Variants in FOXN3 observed in about 807,000 individuals in gnomAD.
The protein encoded by FOXN3 is forkhead box N3, also known as forkhead box protein N3.
A neutral mutation model predicts 38.4 loss-of-function variants in FOXN3; 7 were observed. The ratio of observed to expected loss-of-function variants is 0.18; its 90% CI spans 0.10 to 0.34. The LOEUF (loss-of-function observed/expected upper bound fraction) is 0.34, where lower values mean the gene tolerates loss of function less well. Ranked by LOEUF, FOXN3 falls within the 10% of genes least tolerant of loss-of-function variation. The probability of loss-of-function intolerance (pLI) is 1.00; values close to 1 mark genes in which losing one functional copy is unlikely to be tolerated. For synonymous variants in FOXN3, 230 were observed against 242.2 expected (o/e 0.95, Z 0.47); for missense variants, 456 against 613.4 (o/e 0.74, Z 2.71).
At chr14:89,565,183 G>A (rs1895327146) in intron 1 of FOXN3, among the ~76,000 whole-genome samples, 1 of 151,678 alleles carries the variant, frequency 6.6e-6, no homozygotes. Context: ...CAGAGACTGG[G>A]GTTATGCTAC....
intron 1 of FOXN3, among the ~76,000 whole-genome samples, chr14:89,454,218 C>CCAG (rs1892675769): frequency 6.6e-6 from 1 of 152,148 alleles, no homozygotes; most frequent in South Asian, 2.1e-4. Context: ...GTTTGAGAAT[C>CCAG]GCTTGAATCC....
intron 3 of FOXN3, among the ~76,000 whole-genome samples, chr14:89,318,748 T>C (rs930233850): frequency 5.9e-5 from 9 of 152,240 alleles, no homozygotes; most frequent in Non-Finnish European, 1.3e-4. Flanking sequence ...AGCCTGGTTG[T>C]GCGCAGCAGT....
intron 3 of FOXN3, among the ~76,000 whole-genome samples, chr14:89,312,188 G>C (rs376363811): frequency 2.7e-5 from 4 of 148,662 alleles, no homozygotes; most frequent in African/African-American, 9.9e-5. Flanking sequence ...GGGAGGCTGA[G>C]GAATGAGAGT....
intron 1 of FOXN3, among the ~76,000 whole-genome samples, chr14:89,553,584 A>G (rs1230190773): frequency 1.1e-4 from 16 of 152,156 alleles, no homozygotes; most frequent in Admixed American, 1.0e-3. Context: ...TGACACCCCA[A>G]TTAGGATCCT....
intron 4 of FOXN3, among the ~76,000 whole-genome samples, chr14:89,279,523 A>G (rs529626709): frequency 3.9e-5 from 6 of 152,224 alleles, no homozygotes; most frequent in South Asian, 4.1e-4. Context: ...CTATAGTTCT[A>G]GAGGAAAAAT....
Position 89,399,716 on chromosome 14 carries a change from C to T in FOXN3, c.543+12218G>A, listed in dbSNP as rs185347640. 1.2e-3 allele frequency among the ~76,000 whole-genome samples: 180 copies of T among 152,274 alleles called. 1 individual carries two copies. The highest frequency in any genetic ancestry group is 4.1e-3 in the African/African-American group (169 of 41,550). On this transcript the variant is annotated intron_variant, in intron 2 of 5. Coordinates refer to ENST00000557258, the MANE Select transcript of FOXN3 (RefSeq NM_005197.4). The stretch of plus-strand genomic sequence containing the variant: ...TTCCTTCTGGAAGGGGGAGGGGCTG[C>T]GATCTCTTTTAAAGCTAGACCAATT...
intron 2 of FOXN3, chr14:89,356,384 G>A (rs1346247737): frequency 2.6e-5 from 4 of 151,796 alleles, no homozygotes; most frequent in Admixed American, 6.6e-5. Flanking sequence ...GCGGCAGAGC[G>A]AGACTCGATC....
Position 89,368,991 on chromosome 14 carries a change from A to G in FOXN3, c.544-18183T>C, listed in dbSNP as rs17125768. ...TTTACACAGTGCGTTTCATCTGACA[A>G]TGCCGAAGTGCCCTCTGGCCACCAT... is the stretch of plus-strand genomic sequence containing the variant. On this transcript the variant is annotated intron_variant, in intron 2 of 5. Transcript: ENST00000557258. 2.9e-3 allele frequency among the ~76,000 whole-genome samples: 440 copies of G among 152,322 alleles called. 6 individuals carry two copies. The highest frequency in any genetic ancestry group is 0.01 in the African/African-American group (418 of 41,566).
At chr14:89,474,329 A>G (rs1314112058) in intron 1 of FOXN3, among the ~76,000 whole-genome samples, 1 of 152,188 alleles carries the variant, frequency 6.6e-6, no homozygotes, top group Non-Finnish European at 1.5e-5. Flanking sequence ...TTGGCTATCA[A>G]AGCCAAAGGA....
intron 2 of FOXN3, among the ~76,000 whole-genome samples, chr14:89,360,496 G>T (rs1889433770): frequency 6.7e-6 from 1 of 148,982 alleles, no homozygotes; most frequent in Non-Finnish European, 1.5e-5. Flanking sequence ...GAAAGAGGAA[G>T]GGAGGGAAAA....
rs371202202 is a variant in FOXN3 at position 89,177,732 on chromosome 14, G to A, written c.851+2969C>T. Among the ~76,000 whole-genome samples the A allele has an allele frequency of 5.9e-5, 9 of 152,266 alleles. No homozygotes were observed. The East Asian group carries it at 1.5e-3, about 26-fold the overall frequency. On this transcript the variant is annotated intron_variant, in intron 5 of 5. Transcript: ENST00000557258. ...TCAGCAGCAGCATTCATTCTCGGAG[G>A]TGCCAAACCCAGTTTGCAGTTTTTC...
chr14:89,200,566 G>C (rs1302969062), intron 4 of FOXN3, among the ~76,000 whole-genome samples: 1 of 152,148 alleles, frequency 6.6e-6, no homozygotes, highest in Admixed American at 6.5e-5. Context: ...GAAATGAAAG[G>C]AGTACCTTGA....
At chr14:89,498,750 C>T (rs905502578) in intron 1 of FOXN3, among the ~76,000 whole-genome samples, 2 of 143,420 alleles carry the variant, frequency 1.4e-5, no homozygotes, top group African/African-American at 5.3e-5. Flanking sequence ...GCCACAGAGG[C>T]ATCCTATGGA....
At chr14:89,221,672 T>A (rs1350621206) in intron 4 of FOXN3, among the ~76,000 whole-genome samples, 2 of 152,188 alleles carry the variant, frequency 1.3e-5, no homozygotes, top group Admixed American at 6.5e-5. Flanking sequence ...TGCAGCAAGA[T>A]CTCTCTCAGT....
chr14:89,236,440 G>T (rs1295938193), intron 4 of FOXN3, among the ~76,000 whole-genome samples: 1 of 152,128 alleles, frequency 6.6e-6, no homozygotes, highest in African/African-American at 2.4e-5. Flanking sequence ...GGGTGAACCC[G>T]GGAGGCGGAG....
At chr14:89,521,313 AAAC>A (rs1894311345) in intron 1 of FOXN3, among the ~76,000 whole-genome samples, 1 of 151,880 alleles carries the variant, frequency 6.6e-6, no homozygotes, top group African/African-American at 2.4e-5. Context: ...ATCTAAAAAA[AAAC>A]AAAAGAGAGA....
intron 1 of FOXN3, among the ~76,000 whole-genome samples, chr14:89,557,851 C>G (rs1411077491): frequency 6.6e-6 from 1 of 151,936 alleles, no homozygotes; most frequent in Non-Finnish European, 1.5e-5. Flanking sequence ...AGTAAAAATA[C>G]AAAAATTAGC....
At chr14:89,439,679 G>T (rs1402111420) in intron 1 of FOXN3, among the ~76,000 whole-genome samples, 1 of 139,990 alleles carries the variant, frequency 7.1e-6, no homozygotes, top group Admixed American at 7.3e-5. Flanking sequence ...TTTTTGAGAC[G>T]GAGTCTTGCT....
At chr14:89,377,057 T>G (rs1401994728) in intron 2 of FOXN3, among the ~76,000 whole-genome samples, 5 of 60,850 alleles carry the variant, frequency 8.2e-5, no homozygotes, top group Admixed American at 4.7e-4. Flanking sequence ...AAAAAAAAGC[T>G]TGAGCCTACA....
Sources: allele counts gnomAD v4.1 joint callset (sites outside exome capture counted in the v4.1 genomes callset), GRCh38; gene constraint gnomAD v4.1.1; transcripts MANE v1.5; gene names NCBI Gene and HGNC (gene_info 2026-07-23, HGNC 2026-07-21).